Variants in LINGO1 observed in about 807,000 individuals in gnomAD.
The protein encoded by LINGO1 is leucine-rich repeat and immunoglobulin-like domain-containing nogo receptor-interacting protein 1.
A neutral mutation model predicts 37.3 loss-of-function variants in LINGO1; 11 were observed. The observed-to-expected ratio is 0.29, with a 90% CI of 0.19 to 0.49. The LOEUF is 0.49. LINGO1 is among the 20% of genes least tolerant of loss of function. LINGO1 has a pLI of 0.99. For missense variants in LINGO1, 585 were observed against 878.2 expected (o/e 0.67, Z 4.22); for synonymous variants, 387 against 403.0 (o/e 0.96, Z 0.48).
chr15:77,739,818 G>C (rs987555531), intron 1 of LINGO1, among the ~76,000 whole-genome samples: 4 of 152,246 alleles, frequency 2.6e-5, no homozygotes, highest in African/African-American at 9.6e-5. Context: ...GAGCACAGCG[G>C]TGGCTGGGAT....
At chr15:77,635,118 T>G (rs948743214), upstream of LINGO1, among the ~76,000 whole-genome samples, 1 of 152,120 alleles carries the variant, frequency 6.6e-6, no homozygotes, top group Non-Finnish European at 1.5e-5. Context: ...GTGCCCACAA[T>G]GATCCCTCCG....
chr15:77,775,506 A>T (rs932808255), intron 1 of LINGO1, among the ~76,000 whole-genome samples: 1 of 152,142 alleles, frequency 6.6e-6, no homozygotes, highest in Non-Finnish European at 1.5e-5. Flanking sequence ...GCTGAAGGCC[A>T]GCTCCTCCCT....
chr15:77,664,741 G>C (rs949842874), intron 3 of LINGO1, among the ~76,000 whole-genome samples: 3 of 152,198 alleles, frequency 2.0e-5, no homozygotes, highest in African/African-American at 7.2e-5. Context: ...TCAGGACTCA[G>C]GGGGAGGGCC....
intron 3 of LINGO1, among the ~76,000 whole-genome samples, chr15:77,654,270 T>G (rs1166539753): frequency 6.6e-6 from 1 of 152,168 alleles, no homozygotes; most frequent in Non-Finnish European, 1.5e-5. Flanking sequence ...TTTGAGGTTG[T>G]TTGTTACTGC....
intron 1 of LINGO1, among the ~76,000 whole-genome samples, chr15:77,774,273 C>T (rs1209698640): frequency 6.6e-6 from 1 of 152,052 alleles, no homozygotes; most frequent in Non-Finnish European, 1.5e-5. Context: ...GCACTGGCCT[C>T]GCCCAACTGC....
chr15:77,729,261 C>T (rs1189694760), intron 2 of LINGO1, among the ~76,000 whole-genome samples: 1 of 152,168 alleles, frequency 6.6e-6, no homozygotes, highest in African/African-American at 2.4e-5. Context: ...CAAAGAAGCC[C>T]CAAGGGCTGA....
intron 2 of LINGO1, among the ~76,000 whole-genome samples, chr15:77,704,823 C>T (rs569755118): frequency 1.3e-5 from 2 of 152,218 alleles, no homozygotes; most frequent in African/African-American, 4.8e-5. Flanking sequence ...TGCATACATA[C>T]TGAGCCCTGA....
At chr15:77,619,496 G>A (rs975916843) in intron 1 of LINGO1, among the ~76,000 whole-genome samples, 6 of 151,998 alleles carry the variant, frequency 3.9e-5, no homozygotes, top group African/African-American at 1.2e-4. Context: ...ACAAGGCTGG[G>A]CAACATAGTG....
chr15:77,753,247 A>C (rs1850766795), intron 1 of LINGO1, among the ~76,000 whole-genome samples: 1 of 152,196 alleles, frequency 6.6e-6, no homozygotes, highest in Non-Finnish European at 1.5e-5. Flanking sequence ...GTCCTTCTAA[A>C]GCTTCCTTGT....
At chr15:77,721,734 T>C (rs1235282303) in intron 2 of LINGO1, among the ~76,000 whole-genome samples, 1 of 152,152 alleles carries the variant, frequency 6.6e-6, no homozygotes, top group Non-Finnish European at 1.5e-5. Context: ...ACCTCCTGCA[T>C]AGCGTTGGCC....
At position 77,724,937 on chromosome 15, in the gene LINGO1, C is replaced by T. The variant is rs114820304; in HGVS notation, c.-195+10055G>A. ...AACTGCTTCCCAGACGGTGTGTGGA[C>T]CCGGCCACCGCCCCACCCCAGGAGA... On this transcript the variant is annotated intron_variant, in intron 2 of 3. Transcript: ENST00000561686. 3.3e-3 allele frequency among the ~76,000 whole-genome samples: 503 copies of T among 152,352 alleles called. 8 individuals are homozygous for T. Among genetic ancestry groups the T allele is most frequent in the African/African-American group, 0.012 (484 of 41,580 alleles).
chr15:77,692,536 A>T (rs950796813), intron 1 of LINGO1, among the ~76,000 whole-genome samples: 3 of 152,208 alleles, frequency 2.0e-5, no homozygotes, highest in Non-Finnish European at 4.4e-5. Flanking sequence ...TAAGCACACA[A>T]ACAAAAATTA....
intron 2 of LINGO1, among the ~76,000 whole-genome samples, chr15:77,713,406 A>G (rs1399345678): frequency 6.6e-6 from 1 of 151,956 alleles, no homozygotes; most frequent in Non-Finnish European, 1.5e-5. Context: ...AATCAATCTC[A>G]GAAGGTGATA....
intron 1 of LINGO1, chr15:77,819,678 G>A (rs1596259473): frequency 6.6e-6 from 1 of 150,672 alleles, no homozygotes. Flanking sequence ...CGGAGCCTGC[G>A]GAGCGCGGCC....
intron 3 of LINGO1, among the ~76,000 whole-genome samples, chr15:77,644,032 G>A (rs1293976977): frequency 6.6e-6 from 1 of 152,270 alleles, no homozygotes; most frequent in Admixed American, 6.5e-5. Context: ...CCACGGGGCA[G>A]GGCCCGGCAC....
chr15:77,802,241 C>T (rs1342988002), intron 1 of LINGO1, among the ~76,000 whole-genome samples: 3 of 151,248 alleles, frequency 2.0e-5, no homozygotes, highest in Non-Finnish European at 2.9e-5. Context: ...GGGTTCCAAG[C>T]GGTGCAGAGG....
intron 1 of LINGO1, among the ~76,000 whole-genome samples, chr15:77,751,185 C>T (rs1220715911): frequency 4.0e-5 from 6 of 150,560 alleles, no homozygotes; most frequent in Admixed American, 3.3e-4. Context: ...CATGCTATGC[C>T]CTCAAGAGGC....
At chr15:77,770,010 G>A (rs2076568418) in intron 1 of LINGO1, among the ~76,000 whole-genome samples, 1 of 152,114 alleles carries the variant, frequency 6.6e-6, no homozygotes, top group Non-Finnish European at 1.5e-5. Context: ...GCTGTCCTGG[G>A]GAGCTCTTCT....
chr15:77,676,372 A>G (rs1160901859), intron 3 of LINGO1, among the ~76,000 whole-genome samples: 1 of 152,250 alleles, frequency 6.6e-6, no homozygotes, highest in Non-Finnish European at 1.5e-5. Flanking sequence ...TTTAAGATAT[A>G]TTTACACTGA....
Sources: gnomAD v4.1 joint callset for allele counts (sites outside exome capture counted in the v4.1 genomes callset) on GRCh38, gnomAD v4.1.1 for gene constraint, MANE v1.5 for transcripts, NCBI Gene and HGNC (gene_info 2026-07-23, HGNC 2026-07-21) for gene names.